Variants in PPP1R14C observed in about 807,000 individuals in gnomAD.
PPP1R14C encodes protein phosphatase 1 regulatory inhibitor subunit 14C.
PPP1R14C carries 16 observed loss-of-function variants against 20.4 expected under a neutral mutation model. The observed-to-expected ratio is 0.78, with a 90% CI of 0.53 to 1.19. The LOEUF is 1.19. Ranked by LOEUF, PPP1R14C falls within the 50% of genes most tolerant of loss-of-function variation. The pLI is 0.00. For synonymous variants in PPP1R14C, 91 were observed against 91.0 expected (o/e 1.00, Z 0.00); for missense variants, 211 against 220.1 (o/e 0.96, Z 0.26).
At chr6:150,147,862 G>A (rs1777197419) in intron 1 of PPP1R14C, among the ~76,000 whole-genome samples, 1 of 152,130 alleles carries the variant, frequency 6.6e-6, no homozygotes, top group African/African-American at 2.4e-5. Context: ...ACTGTCTTCT[G>A]AGAGATGGTG....
At chr6:150,244,070 T>G (rs1391700294) in intron 3 of PPP1R14C, among the ~76,000 whole-genome samples, 1 of 152,176 alleles carries the variant, frequency 6.6e-6, no homozygotes, top group African/African-American at 2.4e-5. Flanking sequence ...GTTGGATGTT[T>G]CCATGATGTT....
intron 1 of PPP1R14C, among the ~76,000 whole-genome samples, chr6:150,166,408 C>G (rs1166733109): frequency 6.6e-6 from 1 of 152,148 alleles, no homozygotes; most frequent in Non-Finnish European, 1.5e-5. Context: ...TAACTGCCCT[C>G]TGGGGAACAA....
At chr6:150,177,987 A>G (rs1050542501) in intron 1 of PPP1R14C, among the ~76,000 whole-genome samples, 2 of 152,150 alleles carry the variant, frequency 1.3e-5, no homozygotes, top group African/African-American at 4.8e-5. Flanking sequence ...TCACTGGTTA[A>G]TGTTTTACCT....
Position 150,162,925 on chromosome 6 carries a change from AT to A in PPP1R14C, c.306+19428del, listed in dbSNP as rs1302695212. On this transcript the variant is annotated intron_variant, in intron 1 of 3. Transcript: ENST00000361131. ...CTTTGAGGAAGTTCATTGCATTTGTATCTGAGCCTGCATGATGAGAGATGGC... is the reference window on the plus strand; with the variant it reads ...CTTTGAGGAAGTTCATTGCATTTGTACTGAGCCTGCATGATGAGAGATGGC... Among the ~76,000 whole-genome samples the A allele has an allele frequency of 2.0e-5, 3 of 152,196 alleles. No individual in the cohort carries two copies. The East Asian group carries it at 5.8e-4, about 29-fold the overall frequency.
chr6:150,196,713 C>A (rs919259821), intron 1 of PPP1R14C, among the ~76,000 whole-genome samples: 4 of 151,622 alleles, frequency 2.6e-5, no homozygotes, highest in Non-Finnish European at 5.9e-5. Context: ...GCCTCTCCTT[C>A]TCCCTGTCCA....
In PPP1R14C at chr6:150,248,739, C is replaced by A; in HGVS notation, c.424-7C>A. On this transcript the variant is annotated splice_polypyrimidine_tract_variant and splice_region_variant and intron_variant, in intron 3 of 3. Coordinates refer to ENST00000361131, the MANE Select transcript of PPP1R14C (RefSeq NM_030949.3). ...CCCTCATATTAACTTCTTCTGATCT[C>A]TTTTAGGAATTTATCAAAGAGCTGC... 6.2e-7 allele frequency: 1 copy of A among 1,601,578 alleles called. No individual in the cohort carries two copies. The highest frequency in any genetic ancestry group is 8.6e-7 in the Non-Finnish European group (1 of 1,168,990).
intron 2 of PPP1R14C, among the ~76,000 whole-genome samples, chr6:150,215,434 G>T (rs1778079120): frequency 6.6e-6 from 1 of 152,080 alleles, no homozygotes; most frequent in African/African-American, 2.4e-5. Flanking sequence ...ATCTGCTTTT[G>T]GGAGTTTCTA....
At chr6:150,186,399 A>C (rs925030235) in intron 1 of PPP1R14C, among the ~76,000 whole-genome samples, 14 of 152,082 alleles carry the variant, frequency 9.2e-5, no homozygotes, top group Non-Finnish European at 1.5e-4. Context: ...CCCCTCAGCA[A>C]ACTCAGTTAT....
In PPP1R14C at chr6:150,250,383, A is replaced by G. The variant is rs1297342082; in HGVS notation, c.*1563A>G. ...GCCTGTTGACATGTGTGGCTTGCAC[A>G]ACACGTTAACATGATGGTTTTGCTG... is the stretch of plus-strand genomic sequence containing the variant. On this transcript the variant is annotated 3_prime_UTR_variant, in exon 4 of 4. Coordinates refer to ENST00000361131, the MANE Select transcript of PPP1R14C (RefSeq NM_030949.3). The G allele has an allele frequency of 6.6e-6, 1 of 152,656 alleles. No individual in the cohort carries two copies. The highest frequency in any genetic ancestry group is 2.4e-5 in the African/African-American group (1 of 41,460). 9.5% of individuals were successfully genotyped at this position (152,656 alleles called of 1,614,324 possible).
intron 3 of PPP1R14C, among the ~76,000 whole-genome samples, chr6:150,231,467 CTT>C (rs1778295304): frequency 6.6e-6 from 1 of 152,168 alleles, no homozygotes; most frequent in African/African-American, 2.4e-5. Context: ...CCGGTTGACA[CTT>C]TGTCTAGTTT....
rs149819781 is a variant in PPP1R14C, at chr6:150,249,933, C to G, written c.*1113C>G. 1,514 of 164,228 alleles carry G rather than the reference C, an allele frequency of 9.2e-3. 23 individuals carry two copies. Among genetic ancestry groups the G allele is most frequent in the Non-Finnish European group, 9.4e-3 (720 of 76,264 alleles). The allele number at this position is 164,228 out of a possible 1,614,324, so 10.2% of individuals were successfully genotyped here. ...TGGAGATTGCATTTCTGGCTTCTCT[C>G]AATGGCTTGTGTTGAGGACTCTGGG... On this transcript the variant is annotated 3_prime_UTR_variant, in exon 4 of 4. Transcript: ENST00000361131.
chr6:150,221,187 C>T (rs1778162374), intron 3 of PPP1R14C, among the ~76,000 whole-genome samples: 1 of 152,288 alleles, frequency 6.6e-6, no homozygotes, highest in South Asian at 2.1e-4. Flanking sequence ...TTATATTTTT[C>T]CAGAGCTCTG....
Position 150,159,199 on chromosome 6 carries a change from G to A in PPP1R14C, c.306+15701G>A, listed in dbSNP as rs547711228. The stretch of plus-strand genomic sequence containing the variant: ...TCCTTTGTTTCAAGAGTCATGGACC[G>A]TATACTGAAGATCTGTGCAGTTTAG... On this transcript the variant is annotated intron_variant, in intron 1 of 3. Transcript: ENST00000361131. 9.2e-5 allele frequency among the ~76,000 whole-genome samples: 14 copies of A among 152,284 alleles called. No individual in the cohort carries two copies. The South Asian group carries it at 2.1e-3, about 23-fold the overall frequency.
chr6:150,151,796 C>T (rs1031120386), intron 1 of PPP1R14C, among the ~76,000 whole-genome samples: 3 of 152,196 alleles, frequency 2.0e-5, no homozygotes, highest in Non-Finnish European at 4.4e-5. Flanking sequence ...AGCTATGATG[C>T]TCCCATTGCT....
At chr6:150,176,132 G>T (rs1777559795) in intron 1 of PPP1R14C, among the ~76,000 whole-genome samples, 1 of 152,186 alleles carries the variant, frequency 6.6e-6, no homozygotes, top group Non-Finnish European at 1.5e-5. Context: ...TCTTATAATT[G>T]GGGTGAACAG....
At chr6:150,246,024 A>G (rs1009594548) in intron 3 of PPP1R14C, among the ~76,000 whole-genome samples, 1 of 152,226 alleles carries the variant, frequency 6.6e-6, no homozygotes, top group Non-Finnish European at 1.5e-5. Context: ...TATCATATGC[A>G]CAAGGCAAAT....
intron 1 of PPP1R14C, among the ~76,000 whole-genome samples, chr6:150,177,233 C>A (rs1327865186): frequency 6.6e-6 from 1 of 151,888 alleles, no homozygotes; most frequent in Non-Finnish European, 1.5e-5. Flanking sequence ...CTTGACAACT[C>A]CAAAAAAACT....
At chr6:150,229,974 C>G (rs946236897) in intron 3 of PPP1R14C, among the ~76,000 whole-genome samples, 7 of 152,122 alleles carry the variant, frequency 4.6e-5, no homozygotes, top group African/African-American at 1.7e-4. Flanking sequence ...CTTCCAGGAG[C>G]AAATCCCCGT....
intron 3 of PPP1R14C, among the ~76,000 whole-genome samples, chr6:150,235,849 C>G (rs911484991): frequency 6.6e-6 from 1 of 152,148 alleles, no homozygotes; most frequent in Non-Finnish European, 1.5e-5. Context: ...GGAAAAGGTT[C>G]GTCGTACTCA....
Sources: allele counts gnomAD v4.1 joint callset (sites outside exome capture counted in the v4.1 genomes callset), GRCh38; gene constraint gnomAD v4.1.1; transcripts MANE v1.5; gene names NCBI Gene and HGNC (gene_info 2026-07-23, HGNC 2026-07-21).